UTP14A: variants seen among roughly 807,000 people sequenced by gnomAD.
UTP14A encodes the protein UTP14A small subunit processome component.
UTP14A carries 5 observed loss-of-function variants against 57.2 expected under a neutral mutation model. The ratio of observed to expected loss-of-function variants is 0.09; its 90% CI spans 0.05 to 0.18. The LOEUF (loss-of-function observed/expected upper bound fraction) is 0.18. Ranked by LOEUF, UTP14A falls within the 10% of genes least tolerant of loss-of-function variation. The pLI is 1.00. For synonymous variants in UTP14A, 169 were observed against 210.9 expected (o/e 0.80, Z 1.72); for missense variants, 430 against 562.1 (o/e 0.76, Z 2.38).
chrX:129,918,319 G>A (rs1350404879), intron 6 of UTP14A, among the ~76,000 whole-genome samples: 20 of 107,300 alleles, frequency 1.9e-4, no homozygotes, highest in Non-Finnish European at 3.9e-4. Context: ...CACTAGAGGT[G>A]GAGGTTGCAG....
intron 2 of UTP14A, 59 bp downstream of exon 2, chrX:129,907,501 G>A (rs1428140313): frequency 6.0e-6 from 6 of 1,005,728 alleles, no homozygotes; most frequent in Non-Finnish European, 6.9e-6. Flanking sequence ...TTCCTGGAAT[G>A]GAAGGGTGTG....
At chrX:129,911,648 C>T (rs1022671403) in intron 5 of UTP14A, 118 bp from the exon 6 acceptor site, 2 of 882,233 alleles carry the variant, frequency 2.3e-6, no homozygotes, top group Non-Finnish European at 3.2e-6. Context: ...CATCCTGATT[C>T]TAGCATCCTG....
chrX:129,911,674 A>C, intron 5 of UTP14A, 92 bp from the exon 6 acceptor site: 1 of 1,062,327 alleles, frequency 9.4e-7, no homozygotes, highest in Non-Finnish European at 1.3e-6. Context: ...TTCTTGGGCT[A>C]AGAAATGTTG....
At chrX:129,912,279 A>AT (rs1177387656) in intron 6 of UTP14A, among the ~76,000 whole-genome samples, 73 of 102,006 alleles carry the variant, frequency 7.2e-4, no homozygotes, top group East Asian at 1.5e-3. Flanking sequence ...CGCCCAGCTA[A>AT]TTTTTTTTTT....
At chrX:129,928,484 G>A (rs151204157) in intron 14 of UTP14A, among the ~76,000 whole-genome samples, 2,388 of 109,281 alleles carry the variant, frequency 0.022, 39 homozygotes, top group South Asian at 0.069. Flanking sequence ...GGCCAGGCGC[G>A]GTGGCTCACG....
rs1413340377 is a variant in UTP14A, at chrX:129,907,401, G to A, written c.61G>A (p.Asp21Asn). ...TTTGAGCCAACAGGAAGAACTAGCG[G>A]ATTTGCCAAAAGACTACCTCTTGAG... ...LALSQQEELA[D>N]LPKDYLLSES... The change falls in exon 2 of 15, where the codon GAT becomes AAT. Residue 21 changes from aspartate to asparagine, a missense_variant. Around this residue, in one of 4 missense-constraint regions of UTP14A, gnomAD observed 145 missense variants for 153.5 expected, o/e 0.94. Transcript: ENST00000394422. 3 of 1,208,029 alleles carry A rather than the reference G, an allele frequency of 2.5e-6. No individual in the cohort carries two copies. The highest frequency in any genetic ancestry group is 2.2e-6 in the Non-Finnish European group (2 of 894,758).
chrX:129,920,334 A>G (rs1418473967), intron 8 of UTP14A, 123 bp from the exon 9 acceptor site: 3 of 1,006,442 alleles, frequency 3.0e-6, no homozygotes, highest in Non-Finnish European at 4.1e-6. Context: ...CCTATAGCCA[A>G]CTAGCTCTAT....
Position 129,919,311 on chromosome X carries a change from C to T in UTP14A, c.657+17C>T, listed in dbSNP as rs372653868. 5 of 1,211,338 alleles carry T rather than the reference C, an allele frequency of 4.1e-6. No individual in the cohort carries two copies. The highest frequency in any genetic ancestry group is 5.6e-6 in the Non-Finnish European group (5 of 895,403). On this transcript the variant is annotated intron_variant, in intron 7 of 14. Transcript: ENST00000394422. The stretch of plus-strand genomic sequence containing the variant: ...CTAGAAGAGGTAAGTGTGTCATAGG[C>T]CCTTCAGCACACCCAGGCATGCCAC...
At chrX:129,907,313 G>A in intron 1 of UTP14A, 54 bp from the exon 2 acceptor site, 1 of 1,007,573 alleles carries the variant, frequency 9.9e-7, no homozygotes, top group Non-Finnish European at 1.4e-6. Flanking sequence ...TACATATGCA[G>A]GTTTGTTACA....
At chrX:129,920,145 T>C (rs187170297) in intron 8 of UTP14A, among the ~76,000 whole-genome samples, 1 of 110,745 alleles carries the variant, frequency 9.0e-6, no homozygotes, top group Non-Finnish European at 1.9e-5. Context: ...GCCAAGATCA[T>C]GTCACTGCAC....
chrX:129,924,767 T>C (rs764505367), intron 11 of UTP14A, 28 bp from the exon 12 acceptor site: 16 of 1,187,013 alleles, frequency 1.3e-5, no homozygotes, highest in Non-Finnish European at 1.8e-5. Context: ...CCTCATTTTC[T>C]GACAGTTTTC....
At chrX:129,913,848 G>C (rs180848456) in intron 6 of UTP14A, among the ~76,000 whole-genome samples, 1 of 111,370 alleles carries the variant, frequency 9.0e-6, no homozygotes, top group Non-Finnish European at 1.9e-5. Context: ...GGGCATGGTG[G>C]TGTGTGCCTG....
At chrX:129,929,030 TC>T (rs1236224121) in intron 14 of UTP14A, among the ~76,000 whole-genome samples, 2 of 111,053 alleles carry the variant, frequency 1.8e-5, no homozygotes, top group Non-Finnish European at 3.8e-5. Context: ...AGAGTGAGAC[TC>T]TGTCTCAAAA....
intron 1 of UTP14A, among the ~76,000 whole-genome samples, chrX:129,906,893 T>G (rs979814052): frequency 1.8e-5 from 2 of 111,210 alleles, no homozygotes; most frequent in Non-Finnish European, 3.8e-5. Context: ...TTAGGCTGCC[T>G]ATCAATGAGT....
chrX:129,913,574 C>T (rs776740119), intron 6 of UTP14A, among the ~76,000 whole-genome samples: 7 of 111,798 alleles, frequency 6.3e-5, no homozygotes, highest in African/African-American at 2.3e-4. Flanking sequence ...ATGTTTACCT[C>T]CTTTTTAAAT....
At chrX:129,911,172 C>G (rs770670116) in intron 5 of UTP14A, 22 bp downstream of exon 5, 29 of 1,179,317 alleles carry the variant, frequency 2.5e-5, no homozygotes, top group Non-Finnish European at 3.1e-5. Flanking sequence ...AGAAGGTGGT[C>G]TATTAAGGGA....
chrX:129,913,276 G>A (rs765949226), intron 6 of UTP14A: 8 of 302,613 alleles, frequency 2.6e-5, no homozygotes, highest in South Asian at 2.6e-4. Context: ...TGTTTCTGAT[G>A]TTTTTGCTGA....
At chrX:129,907,867 A>G (rs1162177751) in intron 2 of UTP14A, among the ~76,000 whole-genome samples, 193 bp from the exon 3 acceptor site, 3 of 111,791 alleles carry the variant, frequency 2.7e-5, no homozygotes, top group Non-Finnish European at 5.6e-5. Context: ...GAGGCAGGAG[A>G]ATGGCATGAA....
chrX:129,923,849 A>G (rs1178439563), intron 11 of UTP14A, among the ~76,000 whole-genome samples: 2 of 111,353 alleles, frequency 1.8e-5, no homozygotes, highest in Admixed American at 1.9e-4. Context: ...AACTTGGGGC[A>G]ATCTTCCCAA....
Sources: gnomAD v4.1 joint callset for allele counts (sites outside exome capture counted in the v4.1 genomes callset) on GRCh38, gnomAD v4.1.1 for gene constraint, gnomAD v4.1.1 regional missense constraint, MANE v1.5 for transcripts, NCBI Gene and HGNC (gene_info 2026-07-23, HGNC 2026-07-21) for gene names.